Variants in RAD18 observed in about 807,000 individuals in gnomAD.
RAD18 encodes the protein RAD18 E3 ubiquitin protein ligase, also known as E3 ubiquitin-protein ligase RAD18.
In RAD18, 47 loss-of-function variants were observed where a neutral mutation model predicts 60.4. That is an observed-to-expected ratio of 0.78 (90% CI 0.62 to 0.99). The LOEUF (loss-of-function observed/expected upper bound fraction) is 0.99, where lower values mean the gene tolerates loss of function less well. Among genes scored for constraint, RAD18 ranks in the 50% least tolerant of loss-of-function variants. The pLI, the probability that RAD18 is intolerant of heterozygous loss-of-function variation, is 0.00. For missense variants in RAD18, 640 were observed against 593.3 expected, an observed-to-expected ratio of 1.08 and a Z score of -0.82; for synonymous variants, 225 against 195.5, an observed-to-expected ratio of 1.15 and a Z score of -1.26.
At position 8,878,633 on chromosome 3, in the gene RAD18, T is replaced by A. The variant is rs774456197; in HGVS notation, c.*2724A>T. ...TTTAAAGGCATACCTCCCTCTATTA[T>A]ATACATGGTCTTATGTGTATGAATT... is the stretch of plus-strand genomic sequence containing the variant. On this transcript the variant is annotated 3_prime_UTR_variant, in exon 13 of 13. Transcript: ENST00000264926. The A allele has an allele frequency of 6.6e-6, 1 of 152,240 alleles. No homozygotes were observed. Among genetic ancestry groups the A allele is most frequent in the Non-Finnish European group, 1.5e-5 (1 of 68,034 alleles). 9.4% of individuals were successfully genotyped at this position (152,240 alleles called of 1,614,324 possible). A position where few individuals can be genotyped will look rare whatever the true frequency, so the allele number is the denominator to read the frequency against.
chr3:8,913,750 T>C, intron 7 of RAD18, 30 bp from the exon 8 acceptor site: 1 of 1,374,618 alleles, frequency 7.3e-7, no homozygotes. Context: ...ACCACTAGGT[T>C]AATCACATGT....
At chr3:8,898,384 GTGTGT>G in intron 11 of RAD18, among the ~76,000 whole-genome samples, 1 of 13,088 alleles carries the variant, frequency 7.6e-5, no homozygotes, top group Admixed American at 1.5e-3. Context: ...GTGCATGCGT[GTGTGT>G]GTGTGTGTGT....
chr3:8,922,274 C>T (rs886442043), intron 7 of RAD18, among the ~76,000 whole-genome samples: 6 of 152,232 alleles, frequency 3.9e-5, no homozygotes, highest in South Asian at 2.1e-4. Context: ...TAGCAAACAG[C>T]GCACCAGGAG....
rs904462160 is a variant in RAD18, at chr3:8,878,741, A to C, written c.*2616T>G. The C allele has an allele frequency of 6.6e-6, 1 of 152,270 alleles. No individual in the cohort carries two copies. The highest frequency in any genetic ancestry group is 1.5e-5 in the Non-Finnish European group (1 of 68,066). The allele number at this position is 152,270 out of a possible 1,614,324, so 9.4% of individuals were successfully genotyped here. A position where few individuals can be genotyped will look rare whatever the true frequency, so the allele number is the denominator to read the frequency against. On this transcript the variant is annotated 3_prime_UTR_variant, in exon 13 of 13. Coordinates refer to ENST00000264926, the MANE Select transcript of RAD18 (RefSeq NM_020165.4). ...AGAGGATGAAAGGACGGCCTGGCAT[A>C]CTAGGCCATCTAAAGTGCATCCAGC... is the stretch of plus-strand genomic sequence containing the variant.
At chr3:8,953,421 A>G (rs1940958488) in intron 2 of RAD18, among the ~76,000 whole-genome samples, 1 of 152,118 alleles carries the variant, frequency 6.6e-6, no homozygotes, top group South Asian at 2.1e-4. Context: ...TGGAGTCCTA[A>G]GTAGATCAAG....
chr3:8,913,590 G>A (rs917073298), intron 8 of RAD18, 54 bp downstream of exon 8: 5 of 1,197,654 alleles, frequency 4.2e-6, no homozygotes, highest in African/African-American at 1.6e-5. Context: ...ATTTTTGTAG[G>A]GTATTAAACT....
Position 8,963,389 on chromosome 3 carries a change from C to G in RAD18, c.-4G>C. 3.1e-6 allele frequency: 5 copies of G among 1,601,426 alleles called. No individual in the cohort carries two copies. The highest frequency in any genetic ancestry group is 4.3e-6 in the Non-Finnish European group (5 of 1,173,848). ...GAGACTCGGCCAGGGAGTCCATGGT[C>G]GCTCCCGAGGATGCTGGGGGTCAGC... On this transcript the variant is annotated 5_prime_UTR_variant, in exon 1 of 13. Coordinates refer to ENST00000264926, the MANE Select transcript of RAD18 (RefSeq NM_020165.4).
At chr3:8,918,156 GA>G (rs772722208) in intron 7 of RAD18, among the ~76,000 whole-genome samples, 4 of 151,718 alleles carry the variant, frequency 2.6e-5, no homozygotes, top group Non-Finnish European at 4.4e-5. Context: ...CGTCCCTACT[GA>G]AAATACAAAA....
chr3:8,925,596 A>G (rs1323968495), intron 7 of RAD18, among the ~76,000 whole-genome samples: 1 of 152,148 alleles, frequency 6.6e-6, no homozygotes, highest in Admixed American at 6.5e-5. Flanking sequence ...AAGCCTGGCA[A>G]AGACACAACA....
chr3:8,936,120 C>A, intron 6 of RAD18, 65 bp from the exon 7 acceptor site: 1 of 1,346,854 alleles, frequency 7.4e-7, no homozygotes, highest in Non-Finnish European at 9.9e-7. Context: ...TGTAAAATGG[C>A]AAATAAATTC....
chr3:8,956,830 TA>T (rs1422775431), intron 2 of RAD18, among the ~76,000 whole-genome samples: 1 of 148,058 alleles, frequency 6.8e-6, no homozygotes, highest in Non-Finnish European at 1.5e-5. Context: ...ATTAAGAATA[TA>T]AAAAAAACTT....
chr3:8,920,391 T>C (rs941525756), intron 7 of RAD18, among the ~76,000 whole-genome samples: 1 of 152,150 alleles, frequency 6.6e-6, no homozygotes, highest in East Asian at 1.9e-4. Flanking sequence ...AATGCTAAAG[T>C]TGAAAAATCA....
In RAD18 at chr3:8,902,461, T is replaced by C; in HGVS notation, c.1087A>G (p.Lys363Glu). ...LVDQARKGYK[K>E]IAGMSQKTVT... ...GTTTTTTGTGACATTCCAGCAATTT[T>C]CTTGTATCCTTTTCTAGCCTGATCC... Residue 363 changes from lysine to glutamate, a missense_variant, in exon 10 of 13, where the codon AAA (lysine) becomes GAA (glutamate). Physicochemically the swap from Lys to Glu is moderately conservative, Grantham distance 56 (BLOSUM62 1). Transcript: ENST00000264926. 6.2e-7 allele frequency: 1 copy of C among 1,610,824 alleles called. No individual in the cohort carries two copies. Among genetic ancestry groups the C allele is most frequent in the South Asian group, 1.1e-5 (1 of 90,610 alleles).
Position 8,877,268 on chromosome 3 carries a change from C to A in RAD18, c.*4089G>T. ...TCCAAGATCAAGGCACTGGCAGATT[C>A]CGTGTCTGGTGAGGACTGCTCTCTG... On this transcript the variant is annotated 3_prime_UTR_variant, in exon 13 of 13. Coordinates refer to ENST00000264926, the MANE Select transcript of RAD18 (RefSeq NM_020165.4). The A allele has an allele frequency of 6.4e-6, 1 of 155,146 alleles. No individual in the cohort carries two copies. Among genetic ancestry groups the A allele is most frequent in the South Asian group, 1.8e-4 (1 of 5,536 alleles). The allele number at this position is 155,146 out of a possible 1,614,324, so 9.6% of individuals were successfully genotyped here.
chr3:8,930,219 T>C (rs1204632482), intron 7 of RAD18, among the ~76,000 whole-genome samples: 4 of 152,292 alleles, frequency 2.6e-5, no homozygotes, highest in African/African-American at 9.6e-5. Flanking sequence ...ATTCATACAA[T>C]GGAATATTAT....
At chr3:8,895,993 T>C (rs997142182) in intron 11 of RAD18, among the ~76,000 whole-genome samples, 1 of 152,188 alleles carries the variant, frequency 6.6e-6, no homozygotes, top group African/African-American at 2.4e-5. Flanking sequence ...TCTCTCTTGC[T>C]ATAGCCATAT....
chr3:8,954,895 A>G (rs1940983044), intron 2 of RAD18, among the ~76,000 whole-genome samples: 1 of 152,160 alleles, frequency 6.6e-6, no homozygotes, highest in African/African-American at 2.4e-5. Context: ...GACTTGTGAC[A>G]ACTGGTGTTT....
At chr3:8,955,736 A>C (rs1385090024) in intron 2 of RAD18, among the ~76,000 whole-genome samples, 1 of 152,168 alleles carries the variant, frequency 6.6e-6, no homozygotes, top group Non-Finnish European at 1.5e-5. Context: ...AAACTGACCA[A>C]ATCTCTCGGC....
Position 8,880,081 on chromosome 3 carries a change from G to A in RAD18, c.*1276C>T, listed in dbSNP as rs1939431660. 6.6e-6 allele frequency: 1 copy of A among 152,100 alleles called. No individual in the cohort carries two copies. Among genetic ancestry groups the A allele is most frequent in the Admixed American group, 6.6e-5 (1 of 15,262 alleles). 9.4% of individuals were successfully genotyped at this position (152,100 alleles called of 1,614,324 possible). On this transcript the variant is annotated 3_prime_UTR_variant, in exon 13 of 13. Transcript: ENST00000264926. ...TTAGTTTCCTTAATGCACCCCTCAG[G>A]ATTTCATGCAAATGAAATTATTATG...
Sources: gnomAD v4.1 joint callset for allele counts (sites outside exome capture counted in the v4.1 genomes callset) on GRCh38, gnomAD v4.1.1 for gene constraint, MANE v1.5 for transcripts, NCBI Gene and HGNC (gene_info 2026-07-23, HGNC 2026-07-21) for gene names.